Variants in CC2D2A observed in about 807,000 individuals in gnomAD.
The protein encoded by CC2D2A is coiled-coil and C2 domain containing 2A.
Under a neutral mutation model 212.9 loss-of-function variants are expected in CC2D2A, and 155 were observed. The ratio of observed to expected loss-of-function variants is 0.73; its 90% CI spans 0.64 to 0.83. CC2D2A has a LOEUF of 0.83. Among genes scored for constraint, CC2D2A ranks in the 40% least tolerant of loss-of-function variants. The pLI, the probability that CC2D2A is intolerant of heterozygous loss-of-function variation, is 0.00. For missense variants in CC2D2A, 1,856 were observed against 1,956.2 expected (o/e 0.95, Z 0.97); for synonymous variants, 667 against 686.5 (o/e 0.97, Z 0.44).
chr4:15,597,956 A>T (rs1721393008), intron 35 of CC2D2A, among the ~76,000 whole-genome samples: 1 of 152,200 alleles, frequency 6.6e-6, no homozygotes, highest in Non-Finnish European at 1.5e-5. Context: ...TTTAAGTGTT[A>T]AAGGGGGCTT....
chr4:15,481,795 A>T, intron 4 of CC2D2A: 1 of 985,304 alleles, frequency 1.0e-6, no homozygotes, highest in East Asian at 1.1e-4. Flanking sequence ...TTAGAATGGA[A>T]ATTAAATATG....
intron 4 of CC2D2A, among the ~76,000 whole-genome samples, chr4:15,487,774 C>A (rs1715076981): frequency 7.4e-6 from 1 of 135,054 alleles, no homozygotes; most frequent in South Asian, 2.4e-4. Flanking sequence ...TGATTTTCTC[C>A]AGTAGTATGT....
intron 33 of CC2D2A, among the ~76,000 whole-genome samples, chr4:15,589,967 G>A (rs1316791208): frequency 6.6e-6 from 1 of 152,128 alleles, no homozygotes; most frequent in Non-Finnish European, 1.5e-5. Context: ...ACCTGAGTTT[G>A]TGTCCTGGGT....
At chr4:15,516,815 A>G in intron 11 of CC2D2A, 59 bp downstream of exon 11, 1 of 1,550,158 alleles carries the variant, frequency 6.5e-7, no homozygotes, top group Middle Eastern at 1.7e-4. Context: ...TTGCTTTCTG[A>G]ATAGCTTGGG....
At chr4:15,476,061 C>G in intron 2 of CC2D2A, 90 bp downstream of exon 2, 2 of 1,064,806 alleles carry the variant, frequency 1.9e-6, no homozygotes, top group Non-Finnish European at 2.8e-6. Context: ...TTAGGCCAAC[C>G]AGCATCTATT....
In CC2D2A at chr4:15,559,342, C is replaced by T. The variant is rs1024759816; in HGVS notation, c.2922+85C>T. On this transcript the variant is annotated intron_variant, in intron 22 of 36. Coordinates refer to ENST00000424120, the MANE Select transcript of CC2D2A (RefSeq NM_001378615.1). ...GAAAGTCCTCTACTCTTTTAAATAT[C>T]TATGTGAGCTTATGCAAGCCACTTA... 25 of 833,768 alleles carry T rather than the reference C, an allele frequency of 3.0e-5. No homozygotes were observed. The African/African-American group carries it at 4.4e-4, about 15-fold the overall frequency. The allele number at this position is 833,768 out of a possible 1,614,324, so 51.6% of individuals were successfully genotyped here. A position where few individuals can be genotyped will look rare whatever the true frequency, so the allele number is the denominator to read the frequency against.
At position 15,553,157 on chromosome 4, in the gene CC2D2A, GGA is replaced by G; in HGVS notation, c.2340_2341del (p.Val781AlafsTer5). On this transcript the variant is annotated frameshift_variant and splice_region_variant, in exon 19 of 37. Transcript: ENST00000424120. LOFTEE classifies it high-confidence loss of function. Reference protein sequence around the residue: ...VTLDHEGVGSGVPFSFEADGS... With the variant: ...VTLDHEGVGSXVPFSFEADGS... ...TCCTGTTTAATCTGGTGTTTCCCCA[GGA>G]GTGCCCTTCTCATTTGAAGCTGATG... 6.3e-7 allele frequency: 1 copy of G among 1,598,274 alleles called. No individual in the cohort carries two copies. Among genetic ancestry groups the G allele is most frequent in the Non-Finnish European group, 8.5e-7 (1 of 1,174,168 alleles).
At chr4:15,590,136 T>C (rs1721034174) in intron 33 of CC2D2A, among the ~76,000 whole-genome samples, 1 of 152,222 alleles carries the variant, frequency 6.6e-6, no homozygotes, top group South Asian at 2.1e-4. Flanking sequence ...TGGCCTGCAA[T>C]ATCCCCAGGT....
chr4:15,599,836 C>T (rs1487800228), intron 36 of CC2D2A, 130 bp downstream of exon 36: 3 of 567,202 alleles, frequency 5.3e-6, no homozygotes, highest in African/African-American at 1.9e-5. Flanking sequence ...GCAGCATAAA[C>T]TAAAAACTGT....
intron 14 of CC2D2A, 155 bp downstream of exon 14, chr4:15,533,488 T>A: frequency 2.0e-6 from 1 of 495,012 alleles, no homozygotes; most frequent in Non-Finnish European, 3.5e-6. Context: ...GAGCAGCCCC[T>A]CCCAAATAAC....
chr4:15,592,693 G>T (rs1721163092), intron 33 of CC2D2A, among the ~76,000 whole-genome samples: 2 of 152,004 alleles, frequency 1.3e-5, no homozygotes, highest in Admixed American at 6.6e-5. Flanking sequence ...GATTCTTCTA[G>T]GACCACACCT....
chr4:15,580,254 T>C (rs1250424826), intron 30 of CC2D2A, 83 bp downstream of exon 30: 6 of 993,964 alleles, frequency 6.0e-6, no homozygotes, highest in Non-Finnish European at 7.7e-6. Context: ...CCATATTTCA[T>C]AGTGCTTAAG....
intron 1 of CC2D2A, among the ~76,000 whole-genome samples, chr4:15,475,337 T>TC (rs1352299531): frequency 1.3e-5 from 2 of 152,060 alleles, no homozygotes; most frequent in African/African-American, 4.8e-5. Flanking sequence ...CAGCATTTTT[T>TC]CCACTGGTAG....
intron 3 of CC2D2A, chr4:15,479,460 C>T (rs111618236): frequency 1.2e-5 from 9 of 750,784 alleles, no homozygotes; most frequent in Non-Finnish European, 2.0e-5. Context: ...TTTGAGCCAG[C>T]AGTCACGTGA....
chr4:15,565,070 T>C lies in CC2D2A; in HGVS notation c.3182+1548T>C, dbSNP rs146283880. ...TACAATCATCAACTATTCCTAATGC[T>C]TTGTTACTTGTAAATGTCCATATAA... On this transcript the variant is annotated intron_variant, in intron 24 of 36. Transcript: ENST00000424120. 3.8e-4 allele frequency among the ~76,000 whole-genome samples: 58 copies of C among 152,358 alleles called. No individual in the cohort carries two copies. In the East Asian group the frequency reaches 0.01, roughly 27 times the overall value.
intron 11 of CC2D2A, among the ~76,000 whole-genome samples, chr4:15,518,946 C>T (rs1347376664): frequency 1.3e-5 from 2 of 152,208 alleles, no homozygotes; most frequent in East Asian, 3.8e-4. Context: ...CTCTGACATG[C>T]CCTGGAGACA....
chr4:15,578,772 C>T (rs73237188), intron 29 of CC2D2A, among the ~76,000 whole-genome samples: 66 of 151,742 alleles, frequency 4.3e-4, no homozygotes, highest in South Asian at 2.9e-3. Flanking sequence ...ACTACAAGCA[C>T]GCATCACTAC....
At chr4:15,543,547 C>G (rs532014553) in intron 17 of CC2D2A, 1 of 152,304 alleles carries the variant, frequency 6.6e-6, no homozygotes, top group African/African-American at 2.4e-5. Context: ...TGAATGAACA[C>G]AGAGAATGAA....
chr4:15,523,467 G>C (rs1344343043), intron 11 of CC2D2A, among the ~76,000 whole-genome samples: 3 of 152,132 alleles, frequency 2.0e-5, no homozygotes, highest in Non-Finnish European at 4.4e-5. Flanking sequence ...AGATAAAACT[G>C]TCACTTTCCC....
Sources: gnomAD v4.1 joint callset for allele counts (sites outside exome capture counted in the v4.1 genomes callset) on GRCh38, gnomAD v4.1.1 for gene constraint, MANE v1.5 for transcripts, NCBI Gene and HGNC (gene_info 2026-07-23, HGNC 2026-07-21) for gene names.